EDA: variants seen among roughly 807,000 people sequenced by gnomAD.
EDA encodes the protein ectodysplasin-A.
In EDA, 2 loss-of-function variants were observed where a neutral mutation model predicts 23.6. The observed-to-expected ratio is 0.08, with a 90% CI of 0.03 to 0.27. The LOEUF is 0.27. Among genes scored for constraint, EDA ranks in the 10% least tolerant of loss-of-function variants. EDA has a pLI of 1.00. For synonymous variants in EDA, 131 were observed against 132.0 expected (o/e 0.99, Z 0.05); for missense variants, 229 against 324.2 (o/e 0.71, Z 2.26).
chrX:69,947,582 T>G (rs2018852066), intron 1 of EDA, among the ~76,000 whole-genome samples: 1 of 112,168 alleles, frequency 8.9e-6, no homozygotes, highest in Non-Finnish European at 1.9e-5. Flanking sequence ...CAAAGATGCT[T>G]TGGTTTCCTT....
intron 1 of EDA, among the ~76,000 whole-genome samples, chrX:69,723,511 C>A (rs1031604019): frequency 1.8e-5 from 2 of 111,990 alleles, no homozygotes; most frequent in African/African-American, 6.5e-5. Flanking sequence ...TAGTGCCCAA[C>A]CCATTCAGGT....
intron 1 of EDA, among the ~76,000 whole-genome samples, chrX:69,656,020 C>T (rs908605575): frequency 6.7e-4 from 72 of 107,423 alleles, no homozygotes; most frequent in African/African-American, 2.4e-3. Context: ...CAAAATTACC[C>T]TTGTCTTTCC....
chrX:69,653,695 G>A (rs1933182061), intron 1 of EDA, among the ~76,000 whole-genome samples: 1 of 111,457 alleles, frequency 9.0e-6, no homozygotes, highest in African/African-American at 3.3e-5. Context: ...AACAAGCAAT[G>A]GGGAAAGGAT....
At chrX:69,952,745 TCTC>T (rs2018945979) in intron 1 of EDA, among the ~76,000 whole-genome samples, 1 of 111,443 alleles carries the variant, frequency 9.0e-6, no homozygotes, top group Non-Finnish European at 1.9e-5. Flanking sequence ...CTCCCTCAAC[TCTC>T]CTCTTCTGGG....
chrX:69,857,131 C>A (rs755113224), intron 1 of EDA, among the ~76,000 whole-genome samples: 3 of 111,680 alleles, frequency 2.7e-5, no homozygotes, highest in Non-Finnish European at 3.8e-5. Context: ...AACAGGGTGT[C>A]ATTTCCCTAC....
At chrX:69,778,380 C>G (rs2014845879) in intron 1 of EDA, among the ~76,000 whole-genome samples, 1 of 111,222 alleles carries the variant, frequency 9.0e-6, no homozygotes, top group South Asian at 3.8e-4. Flanking sequence ...AAAGATGAGC[C>G]AGCCTCCTGA....
intron 1 of EDA, among the ~76,000 whole-genome samples, chrX:69,870,333 G>A (rs756941930): frequency 1.1e-4 from 12 of 110,858 alleles, no homozygotes; most frequent in Admixed American, 2.9e-4. Flanking sequence ...ATATTAATTA[G>A]AGAACTCAAA....
At position 70,038,416 on chromosome X, in the gene EDA, G is replaced by C. The variant is rs2020291813; in HGVS notation, c.*2807G>C. ...GAATGTGGAAATAGATGTGCAGTTT[G>C]GAATTATGTTGGTGTGAATTTGCCA... On this transcript the variant is annotated 3_prime_UTR_variant, in exon 8 of 8. Coordinates refer to ENST00000374552, the MANE Select transcript of EDA (RefSeq NM_001399.5). 1.8e-5 allele frequency: 2 copies of C among 110,748 alleles called. No homozygotes were observed. Among genetic ancestry groups the C allele is most frequent in the South Asian group, 7.9e-4 (2 of 2,545 alleles). The allele number at this position is 110,748 out of a possible 1,213,427, so 9.1% of individuals were successfully genotyped here. A position where few individuals can be genotyped will look rare whatever the true frequency, so the allele number is the denominator to read the frequency against.
chrX:70,012,016 G>A (rs901206565), intron 2 of EDA, among the ~76,000 whole-genome samples: 1 of 111,151 alleles, frequency 9.0e-6, no homozygotes, highest in Non-Finnish European at 1.9e-5. Flanking sequence ...TCCATCACAA[G>A]ATCCCCTTTT....
chrX:69,861,056 G>T (rs1195051247), intron 1 of EDA: 1 of 469,606 alleles, frequency 2.1e-6, no homozygotes. Flanking sequence ...GATGTGTTTA[G>T]GCAAAGAACT....
At chrX:69,793,277 T>C (rs1003189906) in intron 1 of EDA, among the ~76,000 whole-genome samples, 1 of 111,961 alleles carries the variant, frequency 8.9e-6, no homozygotes, top group Non-Finnish European at 1.9e-5. Flanking sequence ...AGTTTTATTT[T>C]GTAGTTTGCA....
At chrX:69,888,978 T>TTATATATATATATATATATATA (rs935436674) in intron 1 of EDA, among the ~76,000 whole-genome samples, 9 of 16,003 alleles carry the variant, frequency 5.6e-4, no homozygotes, top group Admixed American at 1.4e-3. Flanking sequence ...TGTGGGGTAG[T>TTATATATATATATATATATATA]TATATATATA....
chrX:69,813,135 G>T (rs1340216963), intron 1 of EDA, among the ~76,000 whole-genome samples: 1 of 111,068 alleles, frequency 9.0e-6, no homozygotes, highest in African/African-American at 3.3e-5. Context: ...TGTTGACAGG[G>T]GCTACTACCA....
chrX:69,658,631 A>G (rs753710334), intron 1 of EDA, among the ~76,000 whole-genome samples: 3 of 111,474 alleles, frequency 2.7e-5, no homozygotes, highest in Non-Finnish European at 3.8e-5. Flanking sequence ...CTTTCAACAG[A>G]GAACTCTGCT....
chrX:69,870,526 C>T (rs1043992232), intron 1 of EDA, among the ~76,000 whole-genome samples: 4 of 110,853 alleles, frequency 3.6e-5, no homozygotes, highest in East Asian at 5.7e-4. Context: ...ATTACTGTTG[C>T]CTCAGGCAGT....
At chrX:69,659,290 T>C (rs1295970406) in intron 1 of EDA, among the ~76,000 whole-genome samples, 3 of 112,427 alleles carry the variant, frequency 2.7e-5, no homozygotes, top group Non-Finnish European at 5.6e-5. Context: ...CAGTTTATAC[T>C]ACATTTCGGG....
intron 1 of EDA, among the ~76,000 whole-genome samples, chrX:69,737,444 C>T (rs1469575459): frequency 8.9e-6 from 1 of 111,883 alleles, no homozygotes; most frequent in African/African-American, 3.2e-5. Context: ...TTGTATCCTA[C>T]CTTAAAATAA....
Position 70,035,531 on chromosome X carries a change from C to T in EDA, c.1098C>T (p.His366=), listed in dbSNP as rs1322090620. Residue 366 remains histidine (H), a synonymous_variant, in exon 8 of 8, where the codon CAC becomes CAT. Coordinates refer to ENST00000374552, the MANE Select transcript of EDA (RefSeq NM_001399.5). ...AGAAGATCGCCGTCAAGATGGTGCA[C>T]GCTGACATCTCCATCAACATGAGCA... is the stretch of plus-strand genomic sequence containing the variant. ...ARQKIAVKMV[H]ADISINMSKH... 9 of 1,205,520 alleles carry T rather than the reference C, an allele frequency of 7.5e-6. No homozygotes were observed. Among genetic ancestry groups the T allele is most frequent in the Non-Finnish European group, 8.9e-6 (8 of 894,075 alleles).
chrX:69,702,553 C>T (rs1298696186), intron 1 of EDA, among the ~76,000 whole-genome samples: 2 of 109,175 alleles, frequency 1.8e-5, no homozygotes, highest in Non-Finnish European at 3.8e-5. Flanking sequence ...GGGAAGATGG[C>T]GACTGAGAAG....
Sources: gnomAD v4.1 joint callset for allele counts (sites outside exome capture counted in the v4.1 genomes callset) on GRCh38, gnomAD v4.1.1 for gene constraint, MANE v1.5 for transcripts, NCBI Gene and HGNC (gene_info 2026-07-23, HGNC 2026-07-21) for gene names.